The following LRMDA variants were observed in gnomAD, a reference collection of about 807,000 sequenced individuals.
The protein encoded by LRMDA is leucine rich melanocyte differentiation associated.
Under a neutral mutation model 29.8 loss-of-function variants are expected in LRMDA, and 18 were observed. The observed-to-expected ratio is 0.60, with a 90% CI of 0.42 to 0.90. The LOEUF (loss-of-function observed/expected upper bound fraction) is 0.90, where lower values mean the gene tolerates loss of function less well. Among genes scored for constraint, LRMDA ranks in the 40% least tolerant of loss-of-function variants. LRMDA has a pLI of 0.00. For missense variants in LRMDA, 273 were observed against 273.9 expected (o/e 1.00, Z 0.02); for synonymous variants, 125 against 109.4 (o/e 1.14, Z -0.89).
chr10:76,306,774 C>T (rs796229369), intron 5 of LRMDA, among the ~76,000 whole-genome samples: 12 of 152,332 alleles, frequency 7.9e-5, no homozygotes, highest in African/African-American at 2.6e-4. Context: ...TCCCAGAGGA[C>T]TTCCTCGTGC....
chr10:76,297,731 C>T (rs1840428974), intron 5 of LRMDA, among the ~76,000 whole-genome samples: 2 of 152,158 alleles, frequency 1.3e-5, no homozygotes. Flanking sequence ...AAATGGAAGT[C>T]ATTATCACCA....
At chr10:75,451,086 A>G (rs917694622) in intron 2 of LRMDA, 9 of 152,212 alleles carry the variant, frequency 5.9e-5, no homozygotes, top group African/African-American at 2.2e-4. Context: ...AGGCGCCTCA[A>G]TGGCTCTTTT....
intron 2 of LRMDA, among the ~76,000 whole-genome samples, chr10:75,814,264 G>A (rs1232353743): frequency 6.6e-6 from 1 of 152,172 alleles, no homozygotes; most frequent in Non-Finnish European, 1.5e-5. Flanking sequence ...TCACTAGCCA[G>A]ACCACACATC....
intron 2 of LRMDA, among the ~76,000 whole-genome samples, chr10:75,521,472 G>A (rs891729730): frequency 4.6e-5 from 7 of 152,236 alleles, no homozygotes; most frequent in African/African-American, 1.7e-4. Context: ...AGACTGCTGC[G>A]CTAGCAGTGA....
chr10:76,204,802 A>G (rs1411531975), intron 5 of LRMDA, among the ~76,000 whole-genome samples: 1 of 152,198 alleles, frequency 6.6e-6, no homozygotes, highest in African/African-American at 2.4e-5. Context: ...TTCCGGAAGA[A>G]TGTTATTTGA....
intron 2 of LRMDA, among the ~76,000 whole-genome samples, chr10:75,884,272 T>TGTGTGTGG (rs1554831848): frequency 3.4e-5 from 5 of 145,368 alleles, no homozygotes; most frequent in African/African-American, 1.1e-4. Context: ...TGTGTGTGTG[T>TGTGTGTGG]GTGTGTGTGT....
At chr10:76,251,801 A>T (rs980870153) in intron 5 of LRMDA, among the ~76,000 whole-genome samples, 1 of 152,206 alleles carries the variant, frequency 6.6e-6, no homozygotes, top group East Asian at 1.9e-4. Flanking sequence ...GGCAAGGGTA[A>T]CAAGAAGAGA....
intron 5 of LRMDA, among the ~76,000 whole-genome samples, chr10:76,111,319 T>C (rs1403948230): frequency 1.3e-5 from 2 of 152,282 alleles, no homozygotes; most frequent in Non-Finnish European, 2.9e-5. Context: ...TTGCTCATCA[T>C]TGATATCCTT....
At chr10:75,629,199 T>C (rs957330008) in intron 2 of LRMDA, among the ~76,000 whole-genome samples, 8 of 152,096 alleles carry the variant, frequency 5.3e-5, no homozygotes, top group African/African-American at 1.9e-4. Context: ...AGCTGGGAGG[T>C]TGACTTAGCA....
At position 75,848,809 on chromosome 10, in the gene LRMDA, T is replaced by G. The variant is rs543672564; in HGVS notation, c.132-187199T>G. Among the ~76,000 whole-genome samples, 10 of 152,320 alleles carry G rather than the reference T, an allele frequency of 6.6e-5. No homozygotes were observed. In the South Asian group the frequency reaches 2.1e-3, roughly 32 times the overall value. On this transcript the variant is annotated intron_variant, in intron 2 of 6. Coordinates refer to ENST00000611255, the MANE Select transcript of LRMDA (RefSeq NM_001305581.2). ...ATCACTCTTCTGTGTAAGTTCCATC[T>G]GGCACATCCTCTTTTCTCTTTGGGA...
At chr10:75,543,631 A>G (rs1396682489) in intron 2 of LRMDA, among the ~76,000 whole-genome samples, 1 of 152,148 alleles carries the variant, frequency 6.6e-6, no homozygotes, top group African/African-American at 2.4e-5. Context: ...CATCAGAAAT[A>G]TTATTTACTC....
At chr10:75,922,381 G>A (rs1846041608) in intron 2 of LRMDA, among the ~76,000 whole-genome samples, 1 of 152,142 alleles carries the variant, frequency 6.6e-6, no homozygotes, top group African/African-American at 2.4e-5. Flanking sequence ...GATGGACCAT[G>A]GGCATAAAGG....
At chr10:76,147,266 A>C (rs1328164826) in intron 5 of LRMDA, among the ~76,000 whole-genome samples, 1 of 152,230 alleles carries the variant, frequency 6.6e-6, no homozygotes, top group Middle Eastern at 3.4e-3. Context: ...CCTGGATAAT[A>C]TCCTGCAGAG....
chr10:75,622,957 T>C (rs967816725), intron 2 of LRMDA, among the ~76,000 whole-genome samples: 2 of 152,196 alleles, frequency 1.3e-5, no homozygotes, highest in African/African-American at 2.4e-5. Flanking sequence ...CAAGGTAAAC[T>C]ATTTTGTTAT....
In LRMDA at chr10:76,324,478, T is replaced by C. The variant is rs200571917; in HGVS notation, c.594T>C (p.Ser198=). Residue 198 remains serine (S), a synonymous_variant, in exon 6 of 7, where the codon AGT becomes AGC. Transcript: ENST00000611255. ...CTTCTGCTTCCAGGGAACTCACCAGTCACCAAGGTTGGAACTCAGCTTTTT... is the reference window on the plus strand; with the variant it reads ...CTTCTGCTTCCAGGGAACTCACCAGCCACCAAGGTTGGAACTCAGCTTTTT... The part of the protein sequence containing the change: ...PLPSASRELT[S]HQGVLGKCRY... 1 of 1,613,902 alleles carries C rather than the reference T, an allele frequency of 6.2e-7. No homozygotes were observed. Among genetic ancestry groups the C allele is most frequent in the African/African-American group, 1.3e-5 (1 of 74,862 alleles).
intron 2 of LRMDA, among the ~76,000 whole-genome samples, chr10:75,786,207 T>A (rs1843469851): frequency 6.6e-6 from 1 of 152,208 alleles, no homozygotes; most frequent in Admixed American, 6.5e-5. Context: ...TCATAACAAC[T>A]TCCCATTTGG....
At chr10:75,674,956 T>C (rs1373461588) in intron 2 of LRMDA, among the ~76,000 whole-genome samples, 1 of 152,212 alleles carries the variant, frequency 6.6e-6, no homozygotes, top group African/African-American at 2.4e-5. Context: ...ACATATTCTT[T>C]TTCTAAGGGA....
intron 2 of LRMDA, among the ~76,000 whole-genome samples, chr10:75,697,128 G>C (rs1842244460): frequency 6.6e-6 from 1 of 152,108 alleles, no homozygotes; most frequent in South Asian, 2.1e-4. Context: ...GTCACCTCAA[G>C]GAGGTGAGAT....
chr10:76,296,228 G>A (rs1840410104), intron 5 of LRMDA, among the ~76,000 whole-genome samples: 2 of 152,138 alleles, frequency 1.3e-5, no homozygotes, highest in Non-Finnish European at 2.9e-5. Flanking sequence ...AGCCTAGTTT[G>A]CTTATTATTT....
Sources: gnomAD v4.1 joint callset for allele counts (sites outside exome capture counted in the v4.1 genomes callset) on GRCh38, gnomAD v4.1.1 for gene constraint, MANE v1.5 for transcripts, NCBI Gene and HGNC (gene_info 2026-07-23, HGNC 2026-07-21) for gene names.